ACTR3B: variants seen among roughly 807,000 people sequenced by gnomAD.
ACTR3B encodes actin related protein 3B.
Under a neutral mutation model 59.0 loss-of-function variants are expected in ACTR3B, and 8 were observed. That is an observed-to-expected ratio of 0.14 (90% CI 0.08 to 0.24). The LOEUF is 0.24. ACTR3B is among the 10% of genes least tolerant of loss of function. ACTR3B has a pLI of 1.00. For missense variants in ACTR3B, 245 were observed against 552.3 expected, an observed-to-expected ratio of 0.44 and a Z score of 5.58; for synonymous variants, 148 against 197.9, an observed-to-expected ratio of 0.75 and a Z score of 2.12.
intron 9 of ACTR3B, among the ~76,000 whole-genome samples, chr7:152,825,479 T>G (rs1383637494): frequency 1.4e-5 from 2 of 146,350 alleles, no homozygotes; most frequent in Non-Finnish European, 3.0e-5. Flanking sequence ...ACCCAGCGAA[T>G]TTTTTTTTTT....
intron 7 of ACTR3B, among the ~76,000 whole-genome samples, chr7:152,822,615 T>C (rs943205578): frequency 6.6e-6 from 1 of 152,238 alleles, no homozygotes; most frequent in Non-Finnish European, 1.5e-5. Context: ...TTACTTATTA[T>C]GGTTGCTTAT....
intron 4 of ACTR3B, among the ~76,000 whole-genome samples, chr7:152,804,913 T>C (rs978411601): frequency 1.3e-5 from 2 of 152,090 alleles, no homozygotes; most frequent in African/African-American, 4.8e-5. Flanking sequence ...CCAGAGCCAG[T>C]ACTCATTAAG....
chr7:152,765,443 T>C (rs1406061212), intron 1 of ACTR3B, among the ~76,000 whole-genome samples: 1 of 150,198 alleles, frequency 6.7e-6, no homozygotes, highest in Non-Finnish European at 1.5e-5. Flanking sequence ...AAATAGTCAT[T>C]CCACATATTG....
intron 9 of ACTR3B, among the ~76,000 whole-genome samples, chr7:152,834,057 T>C (rs1366068361): frequency 6.6e-6 from 1 of 151,500 alleles, no homozygotes; most frequent in African/African-American, 2.4e-5. Flanking sequence ...TGATTTCCAA[T>C]CTAAAATTCA....
intron 4 of ACTR3B, among the ~76,000 whole-genome samples, chr7:152,810,065 C>T (rs142987720): frequency 0.015 from 2,268 of 152,196 alleles, 57 homozygotes; most frequent in African/African-American, 0.051. Flanking sequence ...ACTGAAACTC[C>T]GTACTCATTG....
intron 9 of ACTR3B, among the ~76,000 whole-genome samples, chr7:152,826,123 G>A (rs1180064312): frequency 6.6e-6 from 1 of 152,176 alleles, no homozygotes. Flanking sequence ...TCAACTGACA[G>A]CACTCAGCAT....
In ACTR3B at chr7:152,816,517, C is replaced by A. The variant is rs779052330; in HGVS notation, c.469C>A (p.Gln157Lys). 3 of 1,605,842 alleles carry A rather than the reference C, an allele frequency of 1.9e-6. No homozygotes were observed. Among genetic ancestry groups the A allele is most frequent in the Non-Finnish European group, 2.6e-6 (3 of 1,175,712 alleles). Residue 157 changes from glutamine to lysine, a missense_variant, in exon 6 of 12, where the codon CAA (glutamine) becomes AAA (lysine). Transcript: ENST00000256001. ...LALAASWTSRQVGERTLTGIV... is the reference protein window; with the variant it reads ...LALAASWTSRKVGERTLTGIV... ...CTTGGCGGCATCTTGGACATCTCGA[C>A]AAGTGGGTGAACGTACGTTAACGGG...
At chr7:152,780,528 G>C (rs2098149169) in intron 1 of ACTR3B, among the ~76,000 whole-genome samples, 1 of 151,842 alleles carries the variant, frequency 6.6e-6, no homozygotes, top group Non-Finnish European at 1.5e-5. Context: ...TCCAGCAGCT[G>C]TTGCTGAGTC....
intron 4 of ACTR3B, among the ~76,000 whole-genome samples, chr7:152,808,199 G>A (rs1030638557): frequency 3.3e-5 from 5 of 152,042 alleles, no homozygotes; most frequent in Admixed American, 6.6e-5. Context: ...GCATGTGCCA[G>A]GATTCCTTTC....
At chr7:152,819,523 C>T (rs190717944) in intron 6 of ACTR3B, among the ~76,000 whole-genome samples, 1,729 of 152,282 alleles carry the variant, frequency 0.011, 33 homozygotes, top group African/African-American at 0.04. Flanking sequence ...TCTGTGCCCA[C>T]AGGAAGGCTG....
chr7:152,803,076 T>C (rs1168738491), intron 4 of ACTR3B, among the ~76,000 whole-genome samples: 1 of 152,212 alleles, frequency 6.6e-6, no homozygotes, highest in Non-Finnish European at 1.5e-5. Context: ...AAATGGGATC[T>C]TGCTCTGTTG....
chr7:152,830,451 T>A (rs1796935005), intron 9 of ACTR3B, among the ~76,000 whole-genome samples: 1 of 152,276 alleles, frequency 6.6e-6, no homozygotes, highest in Non-Finnish European at 1.5e-5. Flanking sequence ...TTGATTTTTC[T>A]GTAACAAATT....
chr7:152,796,862 T>G (rs1375533412), intron 2 of ACTR3B, among the ~76,000 whole-genome samples: 14 of 1,952 alleles, frequency 7.2e-3, no homozygotes, highest in African/African-American at 0.012. Context: ...GTTTTTGTGT[T>G]TTTTTTTTTT....
intron 8 of ACTR3B, among the ~76,000 whole-genome samples, 177 bp downstream of exon 8, chr7:152,823,692 G>C (rs916250672): frequency 6.6e-6 from 1 of 152,122 alleles, no homozygotes; most frequent in African/African-American, 2.4e-5. Context: ...CCTCTCCGTA[G>C]AGCTGGTTAT....
intron 7 of ACTR3B, among the ~76,000 whole-genome samples, chr7:152,822,441 C>G (rs1442602636): frequency 6.6e-6 from 1 of 152,218 alleles, no homozygotes; most frequent in Non-Finnish European, 1.5e-5. Flanking sequence ...ACCAGATACC[C>G]AGGAAACACT....
chr7:152,818,930 C>G (rs963886117), intron 6 of ACTR3B, among the ~76,000 whole-genome samples: 1 of 152,136 alleles, frequency 6.6e-6, no homozygotes, highest in African/African-American at 2.4e-5. Flanking sequence ...TGTGAAAATA[C>G]ATTTAAGAAG....
chr7:152,806,280 T>C (rs538501547), intron 4 of ACTR3B, among the ~76,000 whole-genome samples: 2 of 152,322 alleles, frequency 1.3e-5, no homozygotes, highest in South Asian at 2.1e-4. Flanking sequence ...GGGTTTGTGA[T>C]TGTGGTCCTC....
chr7:152,821,156 A>C (rs1796117891), intron 7 of ACTR3B, among the ~76,000 whole-genome samples: 1 of 152,084 alleles, frequency 6.6e-6, no homozygotes, highest in Admixed American at 6.5e-5. Context: ...TGATGTGGGG[A>C]AGACGTGGTC....
chr7:152,851,362 T>C (rs556317747), intron 9 of ACTR3B, among the ~76,000 whole-genome samples: 268 of 152,274 alleles, frequency 1.8e-3, no homozygotes, highest in African/African-American at 6.0e-3. Context: ...GTGAGTGACG[T>C]AGGTGAGGCC....
Sources: gnomAD v4.1 joint callset for allele counts (sites outside exome capture counted in the v4.1 genomes callset) on GRCh38, gnomAD v4.1.1 for gene constraint, MANE v1.5 for transcripts, NCBI Gene and HGNC (gene_info 2026-07-23, HGNC 2026-07-21) for gene names.